Variants in NRXN1 observed in about 807,000 individuals in gnomAD.
The protein encoded by NRXN1 is neurexin-1.
NRXN1 carries 39 observed loss-of-function variants against 150.9 expected under a neutral mutation model. That is an observed-to-expected ratio of 0.26 (90% CI 0.20 to 0.34). The LOEUF (loss-of-function observed/expected upper bound fraction) is 0.34, where lower values mean the gene tolerates loss of function less well. Ranked by LOEUF, NRXN1 falls within the 10% of genes least tolerant of loss-of-function variation. The probability of loss-of-function intolerance (pLI) is 1.00; values close to 1 mark genes in which losing one functional copy is unlikely to be tolerated. For synonymous variants in NRXN1, 924 were observed against 757.0 expected, an observed-to-expected ratio of 1.22 and a Z score of -3.62; for missense variants, 1,815 against 1,949.9, an observed-to-expected ratio of 0.93 and a Z score of 1.30.
intron 5 of NRXN1, among the ~76,000 whole-genome samples, chr2:50,782,764 G>A (rs1471676722): frequency 1.3e-5 from 2 of 152,118 alleles, no homozygotes; most frequent in Non-Finnish European, 2.9e-5. Context: ...GGTTATGGCT[G>A]GTTCTAAACC....
At chr2:50,703,008 A>C (rs1210753005) in intron 5 of NRXN1, among the ~76,000 whole-genome samples, 29 of 152,128 alleles carry the variant, frequency 1.9e-4, no homozygotes, top group Admixed American at 1.9e-3. Flanking sequence ...GAAAAGTAAC[A>C]CCTAACGAAC....
At chr2:50,506,111 T>C (rs1335067881) in intron 13 of NRXN1, among the ~76,000 whole-genome samples, 1 of 152,098 alleles carries the variant, frequency 6.6e-6, no homozygotes, top group East Asian at 1.9e-4. Flanking sequence ...TCATCTTACC[T>C]AGAAGTTAAA....
At chr2:50,171,353 T>C (rs907258137) in intron 18 of NRXN1, among the ~76,000 whole-genome samples, 1 of 151,630 alleles carries the variant, frequency 6.6e-6, no homozygotes, top group African/African-American at 2.4e-5. Flanking sequence ...AATATTCATA[T>C]TTTCTATTCT....
chr2:50,040,586 G>A (rs1690780718), intron 21 of NRXN1, among the ~76,000 whole-genome samples: 2 of 152,038 alleles, frequency 1.3e-5, no homozygotes, highest in African/African-American at 2.4e-5. Flanking sequence ...TGGGGAATAA[G>A]ACTGGGAGTG....
At chr2:50,721,313 T>C (rs1696622644) in intron 5 of NRXN1, among the ~76,000 whole-genome samples, 1 of 152,176 alleles carries the variant, frequency 6.6e-6, no homozygotes, top group South Asian at 2.1e-4. Context: ...CATATGTCTG[T>C]CCTGTTATAA....
At chr2:50,170,809 T>C (rs1038634940) in intron 18 of NRXN1, among the ~76,000 whole-genome samples, 14 of 150,004 alleles carry the variant, frequency 9.3e-5, no homozygotes, top group East Asian at 4.0e-4. Context: ...ATCTGTATAG[T>C]TGGCCCTTGA....
At chr2:50,619,074 T>G (rs1020204209) in intron 8 of NRXN1, 7 of 152,132 alleles carry the variant, frequency 4.6e-5, no homozygotes, top group Admixed American at 3.3e-4. Context: ...GTAGTAATTG[T>G]TTTTCCCTAA....
chr2:50,241,438 A>G (rs2065989934), intron 17 of NRXN1, among the ~76,000 whole-genome samples: 1 of 151,814 alleles, frequency 6.6e-6, no homozygotes, highest in African/African-American at 2.4e-5. Flanking sequence ...CTATATGGCA[A>G]GCACTACCAC....
At chr2:50,687,977 G>T (rs1691499671) in intron 5 of NRXN1, among the ~76,000 whole-genome samples, 1 of 152,156 alleles carries the variant, frequency 6.6e-6, no homozygotes, top group Admixed American at 6.5e-5. Flanking sequence ...GGAGGGCATT[G>T]CCTGAAAGAA....
chr2:51,004,006 G>C (rs960182628), intron 2 of NRXN1, among the ~76,000 whole-genome samples: 2 of 151,592 alleles, frequency 1.3e-5, no homozygotes, highest in Non-Finnish European at 2.9e-5. Flanking sequence ...TCTTTATCCT[G>C]GATGTACCCT....
At position 50,032,961 on chromosome 2, in the gene NRXN1, C is replaced by T. The variant is rs182044178; in HGVS notation, c.4128+20310G>A. ...TAATACACACATACACACACACACA[C>T]GCCCCCATATTTATATACTGTGTAT... On this transcript the variant is annotated intron_variant, in intron 21 of 22. Transcript: ENST00000401669. Among the ~76,000 whole-genome samples the T allele has an allele frequency of 3.0e-4, 46 of 150,908 alleles. No individual in the cohort carries two copies. The East Asian group carries it at 5.8e-3, about 19-fold the overall frequency.
At chr2:49,951,210 G>A (rs1019078596) in intron 21 of NRXN1, among the ~76,000 whole-genome samples, 3 of 151,798 alleles carry the variant, frequency 2.0e-5, no homozygotes, top group Non-Finnish European at 4.4e-5. Context: ...AAGTTATGGG[G>A]AAAAGAATAA....
chr2:50,940,273 G>A (rs541599160), intron 2 of NRXN1, among the ~76,000 whole-genome samples: 34 of 151,978 alleles, frequency 2.2e-4, no homozygotes, highest in Admixed American at 7.9e-4. Context: ...TTAAGAGATC[G>A]AGACCATCCT....
intron 12 of NRXN1, among the ~76,000 whole-genome samples, chr2:50,514,042 G>A (rs2092552877): frequency 6.6e-6 from 1 of 152,052 alleles, no homozygotes; most frequent in Admixed American, 6.6e-5. Context: ...TGGTTCTAAA[G>A]TTCACTTTAT....
intron 19 of NRXN1, among the ~76,000 whole-genome samples, chr2:50,078,401 G>A (rs1291190649): frequency 6.6e-6 from 1 of 151,406 alleles, no homozygotes; most frequent in East Asian, 1.9e-4. Flanking sequence ...TAGAATGAGA[G>A]TTCCAAATAC....
chr2:50,157,933 T>G (rs780451106), intron 18 of NRXN1, among the ~76,000 whole-genome samples: 4 of 150,336 alleles, frequency 2.7e-5, no homozygotes, highest in Non-Finnish European at 4.4e-5. Context: ...GATTTAGGAG[T>G]AATCCCCCGA....
intron 17 of NRXN1, among the ~76,000 whole-genome samples, chr2:50,369,562 G>GC (rs1452657143): frequency 2.6e-5 from 4 of 151,974 alleles, no homozygotes; most frequent in African/African-American, 9.7e-5. Context: ...TCGATGGACA[G>GC]CTACCTTATG....
At chr2:50,203,378 G>A (rs1455083665) in intron 18 of NRXN1, among the ~76,000 whole-genome samples, 1 of 152,158 alleles carries the variant, frequency 6.6e-6, no homozygotes, top group South Asian at 2.1e-4. Context: ...ATTCTTGAAT[G>A]TGTTTCTGTT....
At chr2:50,017,707 TCA>T (rs1317556726) in intron 21 of NRXN1, among the ~76,000 whole-genome samples, 1 of 150,144 alleles carries the variant, frequency 6.7e-6, no homozygotes, top group Non-Finnish European at 1.5e-5. Flanking sequence ...CCTGATATTA[TCA>T]GATATCATCT....
Sources: gnomAD v4.1 joint callset for allele counts (sites outside exome capture counted in the v4.1 genomes callset) on GRCh38, gnomAD v4.1.1 for gene constraint, MANE v1.5 for transcripts, NCBI Gene and HGNC (gene_info 2026-07-23, HGNC 2026-07-21) for gene names.